XPO6: variants seen among roughly 807,000 people sequenced by gnomAD.
XPO6 encodes the protein exportin-6.
In XPO6, 3 loss-of-function variants were observed where a neutral mutation model predicts 130.0. That is an observed-to-expected ratio of 0.02 (90% CI 0.01 to 0.06). The LOEUF is 0.06. Ranked by LOEUF, XPO6 falls within the 10% of genes least tolerant of loss-of-function variation. XPO6 has a pLI of 1.00. For synonymous variants in XPO6, 524 were observed against 548.9 expected (o/e 0.95, Z 0.63); for missense variants, 970 against 1,393.0 (o/e 0.70, Z 4.83).
chr16:28,106,331 C>T lies in XPO6; in HGVS notation c.2612+52G>A. 1 of 1,607,028 alleles carries T rather than the reference C, an allele frequency of 6.2e-7. No homozygotes were observed. Among genetic ancestry groups the T allele is most frequent in the Non-Finnish European group, 8.5e-7 (1 of 1,173,948 alleles). On this transcript the variant is annotated intron_variant, in intron 19 of 23. Transcript: ENST00000304658. This position sits in a 1 kb window ranked among gnomAD's most constrained non-coding sequence, Gnocchi z 4.2. ...AAAAAGCCACACTTTGTCGCCAGAC[C>T]CACCACTTCTCCCTTGAATCTGAAA...
chr16:28,161,909 T>C (rs946037393), intron 6 of XPO6, among the ~76,000 whole-genome samples: 4 of 152,204 alleles, frequency 2.6e-5, no homozygotes, highest in African/African-American at 9.7e-5. Flanking sequence ...AGAAAGCTAA[T>C]ATTTAAATAC....
chr16:28,182,691 A>G (rs1377971598), intron 1 of XPO6, among the ~76,000 whole-genome samples: 1 of 152,220 alleles, frequency 6.6e-6, no homozygotes, highest in South Asian at 2.1e-4. Context: ...CAAACCCAAA[A>G]ATAAACTGAA....
At chr16:28,104,103 G>T (rs114622208) in intron 21 of XPO6, among the ~76,000 whole-genome samples, 4 of 152,172 alleles carry the variant, frequency 2.6e-5, no homozygotes, top group Non-Finnish European at 4.4e-5. Context: ...CCCTGAAAGC[G>T]AATGCTCCCT....
At chr16:28,142,922 G>A (rs2042920665) in intron 9 of XPO6, among the ~76,000 whole-genome samples, 1 of 152,132 alleles carries the variant, frequency 6.6e-6, no homozygotes, top group Non-Finnish European at 1.5e-5. Flanking sequence ...TGTAGGCCGG[G>A]CTGGTCTCAA....
intron 6 of XPO6, among the ~76,000 whole-genome samples, chr16:28,164,974 T>C (rs1381207446): frequency 6.6e-6 from 1 of 152,180 alleles, no homozygotes; most frequent in Non-Finnish European, 1.5e-5. Flanking sequence ...CCCAGAAATC[T>C]GAAAGGCTGA....
At chr16:28,128,299 A>G (rs33040) in intron 12 of XPO6, among the ~76,000 whole-genome samples, 8,885 of 152,190 alleles carry the variant, frequency 0.058, 652 homozygotes, top group East Asian at 0.17. Flanking sequence ...CACTGGGTAT[A>G]GCATAGTACA....
At chr16:28,135,709 C>T (rs2042762571) in intron 9 of XPO6, among the ~76,000 whole-genome samples, 1 of 152,144 alleles carries the variant, frequency 6.6e-6, no homozygotes, top group Non-Finnish European at 1.5e-5. Context: ...TATCTGAATC[C>T]AAAGTGAGTC....
In XPO6 at chr16:28,146,137, T is replaced by C. The variant is rs1175937798; in HGVS notation, c.1291A>G (p.Lys431Glu). 6.2e-7 allele frequency: 1 copy of C among 1,614,076 alleles called. No homozygotes were observed. The highest frequency in any genetic ancestry group is 8.5e-7 in the Non-Finnish European group (1 of 1,180,020). ...WTLFLDYLTS[K>E]IKSRLGDKEA... ...TTGTCTCCAAGACGACTTTTAATTTTACTTGTCAGATAGTCCAAAAACAGC... is the reference window on the plus strand; with the variant it reads ...TTGTCTCCAAGACGACTTTTAATTTCACTTGTCAGATAGTCCAAAAACAGC... Residue 431 changes from lysine (K) to glutamate (E), a missense_variant, in exon 9 of 24, where the codon AAA (lysine) becomes GAA (glutamate). Around this residue, in one of 4 missense-constraint regions of XPO6, gnomAD observed 936 missense variants for 1,306.8 expected, o/e 0.72. Transcript: ENST00000304658.
chr16:28,184,298 T>C (rs985691032), intron 1 of XPO6, among the ~76,000 whole-genome samples: 5 of 152,152 alleles, frequency 3.3e-5, no homozygotes, highest in African/African-American at 1.2e-4. Flanking sequence ...GATTTAAGCC[T>C]CAGACAGATC....
intron 9 of XPO6, among the ~76,000 whole-genome samples, chr16:28,139,185 G>A (rs977780690): frequency 1.3e-5 from 2 of 152,182 alleles, no homozygotes; most frequent in Non-Finnish European, 1.5e-5. Flanking sequence ...TTGCCCTTAT[G>A]AGAAGATGAA....
In XPO6 at chr16:28,112,047, A is replaced by G. The variant is rs527586888; in HGVS notation, c.2152-41T>C. ...AAGGCATCCATCAGAGGTCAGAGCC[A>G]AAGACCGTGGTGCGGCATGCCCAAC... On this transcript the variant is annotated intron_variant, in intron 16 of 23. Transcript: ENST00000304658. 5 of 1,575,662 alleles carry G rather than the reference A, an allele frequency of 3.2e-6. No homozygotes were observed. In the East Asian group the frequency reaches 1.2e-4, roughly 37 times the overall value.
At chr16:28,197,224 C>T (rs1462771287) in intron 1 of XPO6, among the ~76,000 whole-genome samples, 1 of 151,986 alleles carries the variant, frequency 6.6e-6, no homozygotes, top group East Asian at 1.9e-4. Flanking sequence ...TGCACTTTAG[C>T]CTGGGTGACA....
Position 28,098,349 on chromosome 16 carries a change from G to A in XPO6, c.*189C>T. The A allele has an allele frequency of 1.8e-6, 1 of 568,090 alleles. No individual in the cohort carries two copies. Among genetic ancestry groups the A allele is most frequent in the Non-Finnish European group, 3.1e-6 (1 of 318,830 alleles). 35.2% of individuals were successfully genotyped at this position (568,090 alleles called of 1,614,324 possible). A position where few individuals can be genotyped will look rare whatever the true frequency, so the allele number is the denominator to read the frequency against. Reference sequence around the variant, plus strand: ...CCCTGGGAGCACCGTCCAGTGCTCAGGTGGACCCAGAAGCCAGCTCTGCTG... The same window carrying A: ...CCCTGGGAGCACCGTCCAGTGCTCAAGTGGACCCAGAAGCCAGCTCTGCTG... On this transcript the variant is annotated 3_prime_UTR_variant, in exon 24 of 24. Transcript: ENST00000304658.
At chr16:28,113,367 T>C (rs1245242551) in intron 15 of XPO6, among the ~76,000 whole-genome samples, 1 of 152,164 alleles carries the variant, frequency 6.6e-6, no homozygotes, top group Non-Finnish European at 1.5e-5. Flanking sequence ...CTCCCTGGCA[T>C]GTCATCCAGG....
At chr16:28,197,979 A>C (rs1021810788) in intron 1 of XPO6, among the ~76,000 whole-genome samples, 3 of 126,020 alleles carry the variant, frequency 2.4e-5, no homozygotes, top group African/African-American at 7.9e-5. Flanking sequence ...AAAAAAAAAA[A>C]AAAAAAAAAA....
chr16:28,132,255 G>A lies in XPO6; in HGVS notation c.1606+79C>T. 1 of 1,092,298 alleles carries A rather than the reference G, an allele frequency of 9.2e-7. No homozygotes were observed. The highest frequency in any genetic ancestry group is 2.2e-5 in the Admixed American group (1 of 45,982). The allele number at this position is 1,092,298 out of a possible 1,614,324, so 67.7% of individuals were successfully genotyped here. On this transcript the variant is annotated intron_variant, in intron 12 of 23. Transcript: ENST00000304658. The surrounding 1 kb of genome is among the most constrained non-coding windows in gnomAD (Gnocchi z 4.0). ...GCAGTGAAGAAATCATGTTCCGACA[G>A]CAACGGCAGCAGTAATGAAATATCA... is the stretch of plus-strand genomic sequence containing the variant.
Position 28,104,417 on chromosome 16 carries a change from A to G in XPO6, c.2946+129T>C. On this transcript the variant is annotated intron_variant, in intron 21 of 23. Transcript: ENST00000304658. ...AAGAAACTGAGGCTCCAAGAAATTA[A>G]TTAACTTCATCAATACTAACAGGCA... 3 of 1,198,138 alleles carry G rather than the reference A, an allele frequency of 2.5e-6. No homozygotes were observed. The South Asian group carries it at 4.8e-5, about 19-fold the overall frequency. 74.2% of individuals were successfully genotyped at this position (1,198,138 alleles called of 1,614,324 possible).
At chr16:28,190,037 T>C (rs1292195527) in intron 1 of XPO6, among the ~76,000 whole-genome samples, 1 of 152,164 alleles carries the variant, frequency 6.6e-6, no homozygotes, top group Non-Finnish European at 1.5e-5. Flanking sequence ...CTGATCCCAC[T>C]GTGGCAGTGA....
intron 1 of XPO6, among the ~76,000 whole-genome samples, chr16:28,195,479 G>A (rs868258774): frequency 3.9e-5 from 6 of 152,176 alleles, no homozygotes; most frequent in Non-Finnish European, 8.8e-5. Context: ...ATGGCCAGGC[G>A]TGGTGGCTCA....
Sources: allele counts gnomAD v4.1 joint callset (sites outside exome capture counted in the v4.1 genomes callset), GRCh38; gene constraint gnomAD v4.1.1; regional missense constraint gnomAD v4.1.1; non-coding constraint Gnocchi (gnomAD v3.1); transcripts MANE v1.5; gene names NCBI Gene and HGNC (gene_info 2026-07-23, HGNC 2026-07-21).